XPO5: variants seen among roughly 807,000 people sequenced by gnomAD.
The protein encoded by XPO5 is exportin-5.
Under a neutral mutation model 160.6 loss-of-function variants are expected in XPO5, and 46 were observed. The observed-to-expected ratio is 0.29, with a 90% CI of 0.23 to 0.37. XPO5 has a LOEUF of 0.37. Among genes scored for constraint, XPO5 ranks in the 10% least tolerant of loss-of-function variants. The probability of loss-of-function intolerance (pLI) is 1.00; values close to 1 mark genes in which losing one functional copy is unlikely to be tolerated. For missense variants in XPO5, 1,090 were observed against 1,463.9 expected, an observed-to-expected ratio of 0.74 and a Z score of 4.17; for synonymous variants, 537 against 519.3, an observed-to-expected ratio of 1.03 and a Z score of -0.46.
intron 21 of XPO5, chr6:43,533,692 G>A (rs966266141): frequency 3.0e-5 from 9 of 304,822 alleles, no homozygotes; most frequent in South Asian, 1.0e-4. Context: ...TTTAAAGTTC[G>A]TCTGGCGTTG....
At chr6:43,558,197 TA>T (rs1762213348) in intron 12 of XPO5, among the ~76,000 whole-genome samples, 1 of 151,740 alleles carries the variant, frequency 6.6e-6, no homozygotes, top group South Asian at 2.1e-4. Context: ...GGGAAAGAAA[TA>T]ACCATAAGGT....
chr6:43,548,659 C>G (rs112426014), intron 17 of XPO5, among the ~76,000 whole-genome samples, 199 bp from the exon 18 acceptor site: 4 of 151,816 alleles, frequency 2.6e-5, no homozygotes, highest in Non-Finnish European at 4.4e-5. Flanking sequence ...TAGCTCTTGT[C>G]TTGAGTATTT....
Position 43,549,765 on chromosome 6 carries a change from CA to C in XPO5, c.1770+127del, listed in dbSNP as rs1795140037. 25 of 1,200,056 alleles carry C rather than the reference CA, an allele frequency of 2.1e-5. No individual in the cohort carries two copies. In the South Asian group the frequency reaches 3.1e-4, roughly 15 times the overall value. The allele number at this position is 1,200,056 out of a possible 1,614,324, so 74.3% of individuals were successfully genotyped here. On this transcript the variant is annotated intron_variant, in intron 16 of 31. Coordinates refer to ENST00000265351, the MANE Select transcript of XPO5 (RefSeq NM_020750.3). ...TCTTGTATGCCCTATAGTGGCAAAA[CA>C]ACATATATGATAATCTACCACCCTT...
chr6:43,571,468 G>C (rs1313981863), intron 3 of XPO5, among the ~76,000 whole-genome samples: 1 of 152,038 alleles, frequency 6.6e-6, no homozygotes, highest in South Asian at 2.1e-4. Context: ...AAGAAAAAAG[G>C]CTACAATTTT....
At chr6:43,553,094 G>A (rs1253824475) in intron 14 of XPO5, among the ~76,000 whole-genome samples, 5 of 152,056 alleles carry the variant, frequency 3.3e-5, no homozygotes, top group African/African-American at 7.2e-5. Context: ...CAGGAGGGTC[G>A]CTTGAGGCCA....
intron 20 of XPO5, among the ~76,000 whole-genome samples, chr6:43,535,013 C>G (rs1274032112): frequency 6.6e-6 from 1 of 151,528 alleles, no homozygotes; most frequent in African/African-American, 2.4e-5. Flanking sequence ...CCCCCAAAGG[C>G]CAGGCGCAGT....
chr6:43,528,174 TG>T lies in XPO5; in HGVS notation c.2806del (p.Gln936LysfsTer27). On this transcript the variant is annotated frameshift_variant, in exon 25 of 32. Transcript: ENST00000265351. LOFTEE classifies it high-confidence loss of function. ...TATCCCTTACCACAGCAGGCTCCTT[TG>T]GTTGATAACTTGCCATTTCTGAGAA... is the stretch of plus-strand genomic sequence containing the variant. ...RLSQKWQVIN[Q>X]RSLLCGEDEA... 6.3e-7 allele frequency: 1 copy of T among 1,594,690 alleles called. No homozygotes were observed. Among genetic ancestry groups the T allele is most frequent in the Non-Finnish European group, 8.5e-7 (1 of 1,170,166 alleles).
chr6:43,575,989 G>T lies in XPO5; in HGVS notation c.-125C>A. ...CGGGCGGCGGGGGTGGGAAGCTGGA[G>T]GAGGAGCGTTAGCAGCAACTCGCGC... is the stretch of plus-strand genomic sequence containing the variant. On this transcript the variant is annotated 5_prime_UTR_variant, in exon 1 of 32. Coordinates refer to ENST00000265351, the MANE Select transcript of XPO5 (RefSeq NM_020750.3). 1.1e-6 allele frequency: 1 copy of T among 872,484 alleles called. No individual in the cohort carries two copies. The highest frequency in any genetic ancestry group is 1.8e-6 in the Non-Finnish European group (1 of 562,144). 54.0% of individuals were successfully genotyped at this position (872,484 alleles called of 1,614,324 possible).
chr6:43,540,972 T>A (rs1582214572), intron 20 of XPO5, among the ~76,000 whole-genome samples: 1 of 150,228 alleles, frequency 6.7e-6, no homozygotes, highest in Admixed American at 6.6e-5. Context: ...GCACTGGAGG[T>A]CATTATGCTA....
At chr6:43,545,026 C>A (rs954015143) in intron 20 of XPO5, among the ~76,000 whole-genome samples, 74 of 152,208 alleles carry the variant, frequency 4.9e-4, no homozygotes, top group African/African-American at 1.6e-3. Flanking sequence ...GCATGTGCCA[C>A]CATGCCCAGC....
chr6:43,550,393 C>G (rs1795171270), intron 15 of XPO5, among the ~76,000 whole-genome samples: 1 of 152,184 alleles, frequency 6.6e-6, no homozygotes, highest in African/African-American at 2.4e-5. Context: ...AAATAATTTG[C>G]AACAAATGAG....
At chr6:43,561,996 C>T (rs746279244) in intron 9 of XPO5, 19 of 320,936 alleles carry the variant, frequency 5.9e-5, no homozygotes, top group African/African-American at 1.3e-4. Flanking sequence ...AAGAAACCAA[C>T]GTTGACTTTA....
chr6:43,568,888 A>G (rs1473690944), intron 5 of XPO5, among the ~76,000 whole-genome samples, 151 bp from the exon 6 acceptor site: 8 of 152,276 alleles, frequency 5.3e-5, no homozygotes, highest in African/African-American at 1.9e-4. Flanking sequence ...CTAAGCACGC[A>G]TAACTGATAT....
intron 1 of XPO5, 28 bp downstream of exon 1, chr6:43,575,732 C>T (rs1188946664): frequency 1.3e-6 from 2 of 1,586,290 alleles, no homozygotes; most frequent in Non-Finnish European, 1.7e-6. Flanking sequence ...GTGTCGGGAC[C>T]GGCCCAGGAC....
At chr6:43,574,810 CTATTT>C (rs1283601631) in intron 1 of XPO5, among the ~76,000 whole-genome samples, 3 of 152,096 alleles carry the variant, frequency 2.0e-5, no homozygotes, top group African/African-American at 7.2e-5. Context: ...ACTTTTGTGT[CTATTT>C]TAAATATTAA....
At position 43,522,542 on chromosome 6, in the gene XPO5, A is replaced by C. The variant is rs930237438; in HGVS notation, c.*1326T>G. The C allele has an allele frequency of 3.8e-6, 1 of 264,348 alleles. No individual in the cohort carries two copies. Among genetic ancestry groups the C allele is most frequent in the Non-Finnish European group, 8.5e-6 (1 of 117,994 alleles). The allele number at this position is 264,348 out of a possible 1,614,324, so 16.4% of individuals were successfully genotyped here. A position where few individuals can be genotyped will look rare whatever the true frequency, so the allele number is the denominator to read the frequency against. On this transcript the variant is annotated 3_prime_UTR_variant, in exon 32 of 32. Transcript: ENST00000265351. ...TCAGGTTTGGAGGGAAACACTCTTGAGATCGCCTTCACGATCCACAGAAAC... is the reference window on the plus strand; with the variant it reads ...TCAGGTTTGGAGGGAAACACTCTTGCGATCGCCTTCACGATCCACAGAAAC...
rs369997570 is a variant in XPO5 at position 43,558,490 on chromosome 6, A to T, written c.1312+11T>A. On this transcript the variant is annotated intron_variant, in intron 12 of 31. Coordinates refer to ENST00000265351, the MANE Select transcript of XPO5 (RefSeq NM_020750.3). The stretch of plus-strand genomic sequence containing the variant: ...GACTGTTGAGAGAAATCCAAGGCCA[A>T]CATCACTTACAGTTGAAGAAAGCAT... The T allele has an allele frequency of 6.3e-7, 1 of 1,585,410 alleles. No individual in the cohort carries two copies. Among genetic ancestry groups the T allele is most frequent in the Non-Finnish European group, 8.6e-7 (1 of 1,167,520 alleles).
intron 2 of XPO5, 30 bp downstream of exon 2, chr6:43,573,450 C>G: frequency 6.2e-7 from 1 of 1,611,282 alleles, no homozygotes; most frequent in Non-Finnish European, 8.5e-7. Context: ...TTCTCTCAGA[C>G]TTCAGTGGTA....
intron 20 of XPO5, among the ~76,000 whole-genome samples, chr6:43,540,993 G>A (rs1185991795): frequency 6.6e-6 from 1 of 151,840 alleles, no homozygotes; most frequent in Non-Finnish European, 1.5e-5. Flanking sequence ...AATGAAATAA[G>A]CCAGGCACAG....
Sources: allele counts gnomAD v4.1 joint callset (sites outside exome capture counted in the v4.1 genomes callset), GRCh38; gene constraint gnomAD v4.1.1; transcripts MANE v1.5; gene names NCBI Gene and HGNC (gene_info 2026-07-23, HGNC 2026-07-21).